CCSER1: variants seen among roughly 807,000 people sequenced by gnomAD.
CCSER1 encodes the protein serine-rich coiled-coil domain-containing protein 1.
CCSER1 carries 41 observed loss-of-function variants against 82.0 expected under a neutral mutation model. The ratio of observed to expected loss-of-function variants is 0.50; its 90% CI spans 0.39 to 0.65. CCSER1 has a LOEUF of 0.65. Ranked by LOEUF, CCSER1 falls within the 30% of genes least tolerant of loss-of-function variation. The pLI is 0.00. For synonymous variants in CCSER1, 414 were observed against 383.9 expected (o/e 1.08, Z -0.92); for missense variants, 1,119 against 1,064.2 (o/e 1.05, Z -0.72).
At chr4:90,818,900 C>A (rs1402458263) in intron 8 of CCSER1, among the ~76,000 whole-genome samples, 1 of 152,162 alleles carries the variant, frequency 6.6e-6, no homozygotes, top group African/African-American at 2.4e-5. Context: ...AACTCCAGCA[C>A]AAGAGATGCA....
At chr4:91,083,407 G>A (rs1331440987) in intron 9 of CCSER1, among the ~76,000 whole-genome samples, 1 of 152,012 alleles carries the variant, frequency 6.6e-6, no homozygotes, top group Non-Finnish European at 1.5e-5. Context: ...ACAGGAGCCT[G>A]CCGGGGGGTT....
intron 10 of CCSER1, among the ~76,000 whole-genome samples, chr4:91,292,193 A>T (rs902856868): frequency 3.3e-5 from 5 of 152,042 alleles, no homozygotes; most frequent in Non-Finnish European, 5.9e-5. Context: ...AGCTGTATGT[A>T]CATGGTCCAC....
chr4:91,207,236 C>G (rs1381429408), intron 10 of CCSER1, among the ~76,000 whole-genome samples: 1 of 151,792 alleles, frequency 6.6e-6, no homozygotes, highest in Non-Finnish European at 1.5e-5. Flanking sequence ...ATTTTATGTT[C>G]AGGTGTACAT....
At chr4:90,647,130 TCTTATTATA>T (rs1727742329) in intron 6 of CCSER1, among the ~76,000 whole-genome samples, 1 of 152,208 alleles carries the variant, frequency 6.6e-6, no homozygotes, top group African/African-American at 2.4e-5. Flanking sequence ...ATTCTCCTTA[TCTTATTATA>T]ATGAGAATTT....
At chr4:90,615,055 A>G (rs1720925999) in intron 5 of CCSER1, among the ~76,000 whole-genome samples, 1 of 152,214 alleles carries the variant, frequency 6.6e-6, no homozygotes, top group Admixed American at 6.5e-5. Flanking sequence ...TCTGTGCTCA[A>G]TTAATGAAGC....
chr4:90,447,342 A>T (rs902374546), intron 4 of CCSER1, among the ~76,000 whole-genome samples: 1 of 141,046 alleles, frequency 7.1e-6, no homozygotes, highest in Admixed American at 6.9e-5. Flanking sequence ...TTCCTGGGGA[A>T]AAAAAAAAAA....
rs569792230 is a variant in CCSER1, at chr4:90,574,247, AT to A, written c.1725-53776del. Among the ~76,000 whole-genome samples, 569 of 135,652 alleles carry A rather than the reference AT, an allele frequency of 4.2e-3. 8 individuals carry two copies. Among genetic ancestry groups the A allele is most frequent in the African/African-American group, 0.017 (541 of 32,528 alleles). 89.0% of individuals were successfully genotyped at this position (135,652 alleles called of 152,430 possible). Reference sequence around the variant, plus strand: ...AGTGCCATATAGCTTGTAGAAACACATTAATTTTTTTTTTTTTTTTTTTTTT... The same window carrying A: ...AGTGCCATATAGCTTGTAGAAACACATAATTTTTTTTTTTTTTTTTTTTTT... On this transcript the variant is annotated intron_variant, in intron 5 of 10. Transcript: ENST00000509176.
chr4:91,554,193 A>C (rs1762299634), intron 10 of CCSER1, among the ~76,000 whole-genome samples: 1 of 148,244 alleles, frequency 6.7e-6, no homozygotes, highest in African/African-American at 2.5e-5. Context: ...TGAATTTCCC[A>C]TTTGTCTTCT....
intron 10 of CCSER1, among the ~76,000 whole-genome samples, chr4:91,565,018 A>AC (rs2110264838): frequency 1.4e-5 from 2 of 137,962 alleles, no homozygotes; most frequent in South Asian, 4.7e-4. Context: ...TCTTTAATGC[A>AC]CCTTGAGTTG....
intron 6 of CCSER1, among the ~76,000 whole-genome samples, chr4:90,667,239 G>A (rs1411012528): frequency 6.6e-6 from 1 of 152,094 alleles, no homozygotes; most frequent in Non-Finnish European, 1.5e-5. Flanking sequence ...AACTTTCTGT[G>A]CTTCAGATTC....
chr4:91,100,549 G>T (rs530344166), intron 10 of CCSER1, among the ~76,000 whole-genome samples: 1 of 151,960 alleles, frequency 6.6e-6, no homozygotes. Context: ...ATTCCAAATC[G>T]GTTCTGAGGT....
chr4:90,546,995 C>A (rs78719068), intron 5 of CCSER1, among the ~76,000 whole-genome samples: 409 of 152,084 alleles, frequency 2.7e-3, no homozygotes, highest in African/African-American at 9.5e-3. Flanking sequence ...ATACTTAAGG[C>A]TGTCATGTTT....
At chr4:91,117,909 A>G (rs186778938) in intron 10 of CCSER1, among the ~76,000 whole-genome samples, 3 of 152,300 alleles carry the variant, frequency 2.0e-5, no homozygotes, top group Admixed American at 2.0e-4. Context: ...TTTCTAGCAA[A>G]TTCACTGTCT....
intron 7 of CCSER1, among the ~76,000 whole-genome samples, chr4:90,798,046 T>C (rs997459698): frequency 1.3e-5 from 2 of 152,248 alleles, no homozygotes; most frequent in African/African-American, 4.8e-5. Context: ...GAAGTTCTCA[T>C]GGATAATACT....
intron 3 of CCSER1, among the ~76,000 whole-genome samples, chr4:90,328,957 A>C (rs1738749638): frequency 1.3e-5 from 2 of 152,212 alleles, no homozygotes; most frequent in South Asian, 4.1e-4. Context: ...ATTAGTGAAC[A>C]CAAACACTTT....
At chr4:90,993,419 TTACTC>T (rs1737209320) in intron 9 of CCSER1, among the ~76,000 whole-genome samples, 1 of 152,028 alleles carries the variant, frequency 6.6e-6, no homozygotes, top group African/African-American at 2.4e-5. Flanking sequence ...ATCTATAACA[TTACTC>T]TATTTTGTCT....
chr4:90,932,261 T>C (rs1729917855), intron 9 of CCSER1, among the ~76,000 whole-genome samples: 1 of 152,154 alleles, frequency 6.6e-6, no homozygotes, highest in Admixed American at 6.5e-5. Context: ...CAAAGTTCTA[T>C]ACATACCAGA....
At chr4:91,391,664 C>G (rs1165510028) in intron 10 of CCSER1, among the ~76,000 whole-genome samples, 1 of 152,138 alleles carries the variant, frequency 6.6e-6, no homozygotes, top group African/African-American at 2.4e-5. Flanking sequence ...TGCCAGCAGT[C>G]TGTTGCTAAC....
At chr4:91,512,884 A>G (rs2110119655) in intron 10 of CCSER1, among the ~76,000 whole-genome samples, 1 of 152,262 alleles carries the variant, frequency 6.6e-6, no homozygotes, top group Admixed American at 6.5e-5. Flanking sequence ...GGAGTGTTCT[A>G]GGTATAGAAT....
Sources: allele counts gnomAD v4.1 joint callset (sites outside exome capture counted in the v4.1 genomes callset), GRCh38; gene constraint gnomAD v4.1.1; transcripts MANE v1.5; gene names NCBI Gene and HGNC (gene_info 2026-07-23, HGNC 2026-07-21).